SBK2: variants seen among roughly 807,000 people sequenced by gnomAD.
SBK2 encodes the protein serine/threonine-protein kinase SBK2.
SBK2 carries 18 observed loss-of-function variants against 15.9 expected under a neutral mutation model. The ratio of observed to expected loss-of-function variants is 1.13; its 90% CI spans 0.78 to 1.68. The LOEUF is 1.68. Ranked by LOEUF, SBK2 falls within the 40% of genes most tolerant of loss-of-function variation. The pLI, the probability that SBK2 is intolerant of heterozygous loss-of-function variation, is 0.00. For synonymous variants in SBK2, 284 were observed against 246.8 expected (o/e 1.15, Z -1.41); for missense variants, 581 against 510.9 (o/e 1.14, Z -1.32).
Position 55,531,010 on chromosome 19 carries a change from G to A in SBK2, c.456+133C>T, listed in dbSNP as rs1988242957. The A allele has an allele frequency of 3.9e-6, 3 of 763,734 alleles. No homozygotes were observed. The South Asian group carries it at 5.0e-5, about 13-fold the overall frequency. 47.3% of individuals were successfully genotyped at this position (763,734 alleles called of 1,614,324 possible). On this transcript the variant is annotated intron_variant, in intron 3 of 3. Coordinates refer to ENST00000413299, the MANE Select transcript of SBK2 (RefSeq NM_001370096.2). ...TCCACGAGTCCTGTGGGCCCCACGA[G>A]GGGCCTCCGGGGGGTAGGGGAGGCC...
rs200066533 is a variant in SBK2 at position 55,531,230 on chromosome 19, G to C, written c.369C>G (p.Tyr123Ter). ...AGTGTGCCGACTCGATGCCAATGCC[G>C]TAGGCCGTCACGATGGCTGAGTGCG... is the stretch of plus-strand genomic sequence containing the variant. ...LGAHSAIVTA[Y>*]GIGIESAHSY... Residue 123 changes from tyrosine to a stop codon, truncating the protein, a stop_gained, in exon 3 of 4, where the codon TAC (tyrosine) becomes TAG (stop). Coordinates refer to ENST00000413299, the MANE Select transcript of SBK2 (RefSeq NM_001370096.2). LOFTEE classifies it high-confidence loss of function. 3.7e-6 allele frequency: 6 copies of C among 1,613,540 alleles called. No individual in the cohort carries two copies. In the Admixed American group the frequency reaches 1.0e-4, roughly 27 times the overall value.
chr19:55,530,978 T>C (rs1055505177), intron 3 of SBK2, among the ~76,000 whole-genome samples, 165 bp downstream of exon 3: 36 of 152,196 alleles, frequency 2.4e-4, no homozygotes, highest in Middle Eastern at 3.4e-3. Flanking sequence ...CAAAGAGGCC[T>C]AACAACTCCA....
chr19:55,535,323 G>A (rs755170063), intron 2 of SBK2, among the ~76,000 whole-genome samples: 18 of 152,144 alleles, frequency 1.2e-4, no homozygotes, highest in South Asian at 2.1e-4. Flanking sequence ...GCTGTCCTGC[G>A]CACCCACTGT....
chr19:55,531,438 C>A, intron 2 of SBK2, 93 bp from the exon 3 acceptor site: 1 of 966,658 alleles, frequency 1.0e-6, no homozygotes, highest in Non-Finnish European at 1.6e-6. Context: ...TCAATGGCCC[C>A]TCAGCTTGGA....
Position 55,529,928 on chromosome 19 carries a change from G to T in SBK2, c.852C>A (p.Gly284=). The change falls in exon 4 of 4, where the codon GGC becomes GGA. Residue 284 remains glycine, a synonymous_variant. Transcript: ENST00000413299. ...AGGGCTGAGGGCGGTCCCGGGGCTGGCCCGACGCCTGCCAGATGAGGAAGT... is the reference window on the plus strand; with the variant it reads ...AGGGCTGAGGGCGGTCCCGGGGCTGTCCCGACGCCTGCCAGATGAGGAAGT... ...YEDFLIWQAS[G]QPRDRPQPWF... is the part of the protein sequence containing the mutation. 1 of 1,529,958 alleles carries T rather than the reference G, an allele frequency of 6.5e-7. No homozygotes were observed. The highest frequency in any genetic ancestry group is 8.8e-7 in the Non-Finnish European group (1 of 1,141,716). 94.8% of individuals were successfully genotyped at this position (1,529,958 alleles called of 1,614,324 possible).
chr19:55,530,423 C>CTT (rs1988224871), intron 3 of SBK2, 100 bp from the exon 4 acceptor site: 1 of 1,144,640 alleles, frequency 8.7e-7, no homozygotes, highest in Non-Finnish European at 1.2e-6. Flanking sequence ...GTAAGGAAGA[C>CTT]GGTGAATAGT....
chr19:55,536,382 G>A, intron 1 of SBK2, 86 bp from the exon 2 acceptor site: 2 of 1,206,076 alleles, frequency 1.7e-6, no homozygotes, highest in Non-Finnish European at 2.2e-6. Context: ...GGGTCTGAGG[G>A]AGGAGGGGCT....
chr19:55,530,028 ACGCCCAG>A lies in SBK2; in HGVS notation c.745_751del (p.Leu249SerfsTer68), dbSNP rs1385043963. The A allele has an allele frequency of 5.3e-6, 8 of 1,503,106 alleles. No homozygotes were observed. Among genetic ancestry groups the A allele is most frequent in the Non-Finnish European group, 6.2e-6 (7 of 1,129,554 alleles). 93.1% of individuals were successfully genotyped at this position (1,503,106 alleles called of 1,614,324 possible). Reference sequence around the variant, plus strand: ...GCCCGTGAGGAGGCAGAAGAGCAGGACGCCCAGCGCCCAGGCGTCCAGGGCGGGCTGA... The same window carrying A: ...GCCCGTGAGGAGGCAGAAGAGCAGGACGCCCAGGCGTCCAGGGCGGGCTGA... On this transcript the variant is annotated frameshift_variant, in exon 4 of 4. Coordinates refer to ENST00000413299, the MANE Select transcript of SBK2 (RefSeq NM_001370096.2). LOFTEE classifies it low-confidence loss of function (END_TRUNC).
rs546747792 is a variant in SBK2, at chr19:55,530,037, G to C, written c.743C>G (p.Ala248Gly). The C allele has an allele frequency of 5.0e-5, 74 of 1,490,200 alleles. No individual in the cohort carries two copies. The South Asian group carries it at 8.6e-4, about 17-fold the overall frequency. The allele number at this position is 1,490,200 out of a possible 1,614,324, so 92.3% of individuals were successfully genotyped here. The change falls in exon 4 of 4, where the codon GCG (alanine) becomes GGG (glycine). Residue 248 changes from alanine to glycine, a missense_variant. By Grantham distance (60) the Ala-to-Gly change is moderately conservative. Coordinates refer to ENST00000413299, the MANE Select transcript of SBK2 (RefSeq NM_001370096.2). ...GAGGCAGAAGAGCAGGACGCCCAGC[G>C]CCCAGGCGTCCAGGGCGGGCTGAAT... Reference protein sequence around the residue: ...LPIQPALDAWALGVLLFCLLT... With the variant: ...LPIQPALDAWGLGVLLFCLLT...
At chr19:55,532,463 T>C (rs1247160045) in intron 2 of SBK2, among the ~76,000 whole-genome samples, 2 of 150,638 alleles carry the variant, frequency 1.3e-5, no homozygotes, top group African/African-American at 2.4e-5. Flanking sequence ...CCACCATACC[T>C]AGCTAATTTT....
At position 55,529,694 on chromosome 19, in the gene SBK2, G is replaced by C; in HGVS notation, c.*39C>G. 1 of 1,586,194 alleles carries C rather than the reference G, an allele frequency of 6.3e-7. No homozygotes were observed. The highest frequency in any genetic ancestry group is 1.1e-5 in the South Asian group (1 of 89,600). ...AAAGCCGTTGGCCTTGGGGGCCTCG[G>C]GTGGGGCGGCTTCCCTTTCTGCATC... On this transcript the variant is annotated 3_prime_UTR_variant, in exon 4 of 4. Transcript: ENST00000413299.
At chr19:55,535,808 TG>T (rs1482432772) in intron 2 of SBK2, among the ~76,000 whole-genome samples, 1 of 152,120 alleles carries the variant, frequency 6.6e-6, no homozygotes, top group Non-Finnish European at 1.5e-5. Context: ...CACTTGAACC[TG>T]GGAGGTGGAA....
rs899737783 is a variant in SBK2 at position 55,531,239 on chromosome 19, C to T, written c.360G>A (p.Val120=). 3.1e-6 allele frequency: 5 copies of T among 1,613,622 alleles called. No individual in the cohort carries two copies. In the African/African-American group the frequency reaches 5.3e-5, roughly 17 times the overall value. Residue 120 remains valine, a synonymous_variant, in exon 3 of 4, where the codon GTG becomes GTA. Coordinates refer to ENST00000413299, the MANE Select transcript of SBK2 (RefSeq NM_001370096.2). ...GLSLGAHSAI[V]TAYGIGIESA... is the part of the protein sequence containing the mutation. ...ACTCGATGCCAATGCCGTAGGCCGTCACGATGGCTGAGTGCGCGCCCAGCG... is the reference window on the plus strand; with the variant it reads ...ACTCGATGCCAATGCCGTAGGCCGTTACGATGGCTGAGTGCGCGCCCAGCG...
intron 3 of SBK2, 30 bp from the exon 4 acceptor site, chr19:55,530,353 C>T: frequency 7.2e-7 from 1 of 1,395,038 alleles, no homozygotes; most frequent in Non-Finnish European, 9.3e-7. Flanking sequence ...GGCCCAGTGC[C>T]CCGGGGCCAC....
chr19:55,536,315 G>T lies in SBK2; in HGVS notation c.-2-19C>A, dbSNP rs767330264. 19 of 1,472,380 alleles carry T rather than the reference G, an allele frequency of 1.3e-5. No homozygotes were observed. Among genetic ancestry groups the T allele is most frequent in the Non-Finnish European group, 1.7e-5 (19 of 1,118,266 alleles). 91.2% of individuals were successfully genotyped at this position (1,472,380 alleles called of 1,614,324 possible). On this transcript the variant is annotated intron_variant, in intron 1 of 3. Transcript: ENST00000413299. ...GGCATCTCTGCGAGAACAGAGAGGG[G>T]TGCCCAGGCTCAGGTCCCAGGCCCA... is the stretch of plus-strand genomic sequence containing the variant.
chr19:55,531,049 C>T lies in SBK2; in HGVS notation c.456+94G>A, dbSNP rs1374798460. 3.3e-6 allele frequency: 4 copies of T among 1,202,846 alleles called. No homozygotes were observed. The African/African-American group carries it at 4.5e-5, about 13-fold the overall frequency. 74.5% of individuals were successfully genotyped at this position (1,202,846 alleles called of 1,614,324 possible). On this transcript the variant is annotated intron_variant, in intron 3 of 3. Coordinates refer to ENST00000413299, the MANE Select transcript of SBK2 (RefSeq NM_001370096.2). ...GTAGGGGAGGCCCAGGGAGGCCCAA[C>T]GCAGTGGCTGTGGCTCCTGCGGCCC...
chr19:55,536,020 C>T, intron 2 of SBK2, 22 bp downstream of exon 2: 1 of 1,435,744 alleles, frequency 7.0e-7, no homozygotes. Flanking sequence ...ACCCTGCCAC[C>T]TCTGGCCCCA....
At chr19:55,533,790 C>T (rs1988332809) in intron 2 of SBK2, among the ~76,000 whole-genome samples, 1 of 151,982 alleles carries the variant, frequency 6.6e-6, no homozygotes, top group Non-Finnish European at 1.5e-5. Context: ...TCACAGCGCT[C>T]CTGATCACTG....
Position 55,529,907 on chromosome 19 carries a change from C to T in SBK2, c.873G>A (p.Gln291=). ...QASGQPRDRP[Q]PWFGLAAAAD... ...CCGCGGCGGCCAGGCCGAACCAGGG[C>T]TGAGGGCGGTCCCGGGGCTGGCCCG... The change falls in exon 4 of 4, where the codon CAG becomes CAA. Residue 291 remains glutamine, a synonymous_variant. Transcript: ENST00000413299. The T allele has an allele frequency of 3.9e-6, 6 of 1,556,536 alleles. No homozygotes were observed. The highest frequency in any genetic ancestry group is 5.2e-6 in the Non-Finnish European group (6 of 1,154,082).
Sources: allele counts gnomAD v4.1 joint callset (sites outside exome capture counted in the v4.1 genomes callset), GRCh38; gene constraint gnomAD v4.1.1; transcripts MANE v1.5; gene names NCBI Gene and HGNC (gene_info 2026-07-23, HGNC 2026-07-21).